The following GRAMD2A variants were observed in gnomAD, a reference collection of about 807,000 sequenced individuals.
GRAMD2A encodes the protein GRAM domain containing 2A, also known as GRAM domain-containing protein 2A.
In GRAMD2A, 37 loss-of-function variants were observed where a neutral mutation model predicts 51.1. That is an observed-to-expected ratio of 0.72 (90% CI 0.56 to 0.95). GRAMD2A has a LOEUF of 0.95. Ranked by LOEUF, GRAMD2A falls within the 40% of genes least tolerant of loss-of-function variation. GRAMD2A has a pLI of 0.00. For missense variants in GRAMD2A, 414 were observed against 426.9 expected, an observed-to-expected ratio of 0.97 and a Z score of 0.27; for synonymous variants, 136 against 157.1, an observed-to-expected ratio of 0.87 and a Z score of 1.01.
chr15:72,195,377 A>G (rs2081797271), intron 1 of GRAMD2A, among the ~76,000 whole-genome samples: 1 of 152,200 alleles, frequency 6.6e-6, no homozygotes, highest in African/African-American at 2.4e-5. Flanking sequence ...TCTTCCCTCC[A>G]GCTGATAAAC....
At chr15:72,168,626 T>G in intron 3 of GRAMD2A, 60 bp from the exon 4 acceptor site, 11 of 1,373,502 alleles carry the variant, frequency 8.0e-6, no homozygotes, top group Non-Finnish European at 1.1e-5. Flanking sequence ...AAAGGGGCCC[T>G]GCTCCAGCCA....
chr15:72,196,903 C>A (rs1021312619), intron 1 of GRAMD2A, among the ~76,000 whole-genome samples: 4 of 152,182 alleles, frequency 2.6e-5, no homozygotes, highest in Non-Finnish European at 5.9e-5. Flanking sequence ...ACACATTCAT[C>A]CTACCTGCCC....
At chr15:72,185,189 G>GTTTT (rs761749553) in intron 1 of GRAMD2A, among the ~76,000 whole-genome samples, 2 of 139,966 alleles carry the variant, frequency 1.4e-5, no homozygotes, top group Admixed American at 7.0e-5. Context: ...TTTTGTTCCA[G>GTTTT]TTTTTTTTTT....
chr15:72,177,916 C>T (rs1316429875), intron 1 of GRAMD2A, among the ~76,000 whole-genome samples: 2 of 152,170 alleles, frequency 1.3e-5, no homozygotes, highest in Non-Finnish European at 2.9e-5. Context: ...TTAGCAGAGA[C>T]GGGGTTTCAC....
chr15:72,182,385 A>AAG (rs2081703500), intron 1 of GRAMD2A, among the ~76,000 whole-genome samples: 1 of 149,956 alleles, frequency 6.7e-6, no homozygotes, highest in Admixed American at 6.7e-5. Context: ...AAAAAAAAAA[A>AAG]CCCAAAATTT....
chr15:72,171,757 A>C (rs181615209), intron 1 of GRAMD2A, among the ~76,000 whole-genome samples: 9 of 152,206 alleles, frequency 5.9e-5, no homozygotes, highest in Admixed American at 2.0e-4. Context: ...TGTCTTATAG[A>C]GAATTCACAG....
rs576327896 is a variant in GRAMD2A, at chr15:72,185,577, T to C, written c.41+12154A>G. ...GGGTGCACGTGCATGTGCACACATG[T>C]GAAAGAGAGCAAGAAAATTTTGAAA... On this transcript the variant is annotated intron_variant, in intron 1 of 11. Coordinates refer to ENST00000309731, the MANE Select transcript of GRAMD2A (RefSeq NM_001012642.3). Among the ~76,000 whole-genome samples, 34 of 152,358 alleles carry C rather than the reference T, an allele frequency of 2.2e-4. No homozygotes were observed. The East Asian group carries it at 6.4e-3, about 28-fold the overall frequency.
rs2081598698 is a variant in GRAMD2A at position 72,170,394 on chromosome 15, GC to G, written c.42-456del. On this transcript the variant is annotated intron_variant, in intron 1 of 11. Coordinates refer to ENST00000309731, the MANE Select transcript of GRAMD2A (RefSeq NM_001012642.3). The surrounding 1 kb of genome is among the most constrained non-coding windows in gnomAD (Gnocchi z 4.5). ...CGGGAAAGTAGGCTGAGCACAGGAG[GC>G]CTTATCAAAGCTCAGGAGCTGATGC... is the stretch of plus-strand genomic sequence containing the variant. The G allele has an allele frequency of 2.2e-6, 1 of 456,326 alleles. No individual in the cohort carries two copies. Among genetic ancestry groups the G allele is most frequent in the African/African-American group, 2.0e-5 (1 of 50,080 alleles). 28.3% of individuals were successfully genotyped at this position (456,326 alleles called of 1,614,324 possible). A position where few individuals can be genotyped will look rare whatever the true frequency, so the allele number is the denominator to read the frequency against.
At position 72,162,314 on chromosome 15, in the gene GRAMD2A, C is replaced by G; in HGVS notation, c.1020G>C (p.Gln340His). 6.2e-7 allele frequency: 1 copy of G among 1,614,138 alleles called. No homozygotes were observed. The change falls in exon 11 of 12, where the codon CAG becomes CAC. Residue 340 changes from glutamine (Q) to histidine (H), a missense_variant. Gln to His is a conservative substitution (Grantham distance 24, BLOSUM62 0). Transcript: ENST00000309731. ...LAFRISRLEQQLCSLSWDDPV... is the reference protein window; with the variant it reads ...LAFRISRLEQHLCSLSWDDPV... ...GGTCATCCCAACTCAAGGAGCATAA[C>G]TGCTGCTCTAGCCGAGAAATACGGA...
rs779606230 is a variant in GRAMD2A at position 72,165,422 on chromosome 15, A to G, written c.544-12T>C. 3 of 1,613,778 alleles carry G rather than the reference A, an allele frequency of 1.9e-6. No individual in the cohort carries two copies. Among genetic ancestry groups the G allele is most frequent in the Non-Finnish European group, 2.5e-6 (3 of 1,179,750 alleles). On this transcript the variant is annotated splice_polypyrimidine_tract_variant and intron_variant, in intron 7 of 11. Coordinates refer to ENST00000309731, the MANE Select transcript of GRAMD2A (RefSeq NM_001012642.3). ...TTCTTGCTGGAAGGCTGAGGAGGAA[A>G]GGGAACAGCAGTCACTTGTCCATCT...
chr15:72,167,534 A>G (rs1408962560), intron 5 of GRAMD2A, among the ~76,000 whole-genome samples: 1 of 152,248 alleles, frequency 6.6e-6, no homozygotes, highest in African/African-American at 2.4e-5. Flanking sequence ...TGTGGGGTCC[A>G]GATTGGGCCC....
At chr15:72,163,141 G>A (rs1482701771) in intron 10 of GRAMD2A, 125 bp downstream of exon 10, 1 of 651,708 alleles carries the variant, frequency 1.5e-6, no homozygotes, top group East Asian at 2.7e-5. Flanking sequence ...CCACCCAAGA[G>A]CTTGAATTTG....
chr15:72,178,951 TC>T (rs1433932015), intron 1 of GRAMD2A, among the ~76,000 whole-genome samples: 1 of 152,210 alleles, frequency 6.6e-6, no homozygotes, highest in African/African-American at 2.4e-5. Flanking sequence ...AACTGCTTTG[TC>T]CTTTCCACTG....
rs2081458700 is a variant in GRAMD2A, at chr15:72,160,330, TTCC to T, written c.*1676_*1678del. 9.1e-5 allele frequency: 6 copies of T among 65,628 alleles called. No homozygotes were observed. Among genetic ancestry groups the T allele is most frequent in the Non-Finnish European group, 1.2e-4 (4 of 32,030 alleles). The allele number at this position is 65,628 out of a possible 1,614,324, so 4.1% of individuals were successfully genotyped here. A position where few individuals can be genotyped will look rare whatever the true frequency, so the allele number is the denominator to read the frequency against. Reference sequence around the variant, plus strand: ...CGGATGAAAGGGTGAAAGGGGCTGGTTCCAAAAAAAAAAAAAAAAAAAGGATGA... The same window carrying T: ...CGGATGAAAGGGTGAAAGGGGCTGGTAAAAAAAAAAAAAAAAAAAGGATGA... On this transcript the variant is annotated 3_prime_UTR_variant, in exon 12 of 12. Coordinates refer to ENST00000309731, the MANE Select transcript of GRAMD2A (RefSeq NM_001012642.3).
In GRAMD2A at chr15:72,184,581, C is replaced by T. The variant is rs28393460; in HGVS notation, c.41+13150G>A. ...GCCCGCGTGGGGACGGGCTGCGCGC[C>T]CTGCCCAGGCTCCTGCCAACTCGGC... On this transcript the variant is annotated intron_variant, in intron 1 of 11. Coordinates refer to ENST00000309731, the MANE Select transcript of GRAMD2A (RefSeq NM_001012642.3). Among the ~76,000 whole-genome samples, 890 of 152,344 alleles carry T rather than the reference C, an allele frequency of 5.8e-3. 11 individuals carry two copies. Among genetic ancestry groups the T allele is most frequent in the African/African-American group, 0.02 (844 of 41,586 alleles).
At position 72,164,533 on chromosome 15, in the gene GRAMD2A, G is replaced by A. The variant is rs141774162; in HGVS notation, c.601-776C>T. ...TGATCCTCCCATCTCAGCCTCCTGC[G>A]TAGCTGGGACTACAGGTACGTGCCA... On this transcript the variant is annotated intron_variant, in intron 8 of 11. Transcript: ENST00000309731. Among the ~76,000 whole-genome samples, 805 of 151,894 alleles carry A rather than the reference G, an allele frequency of 5.3e-3. 9 individuals are homozygous for A. Among genetic ancestry groups the A allele is most frequent in the African/African-American group, 0.018 (763 of 41,420 alleles).
intron 5 of GRAMD2A, 41 bp downstream of exon 5, chr15:72,167,695 C>G (rs1445965796): frequency 2.1e-6 from 3 of 1,457,112 alleles, no homozygotes; most frequent in Non-Finnish European, 2.9e-6. Flanking sequence ...GAGGCTGGCT[C>G]CCCTCACAGG....
At chr15:72,187,493 A>G (rs1355452213) in intron 1 of GRAMD2A, among the ~76,000 whole-genome samples, 1 of 151,836 alleles carries the variant, frequency 6.6e-6, no homozygotes, top group Non-Finnish European at 1.5e-5. Flanking sequence ...TAAAAAAAAA[A>G]CAACAGTAAA....
chr15:72,180,925 C>T (rs563219923), intron 1 of GRAMD2A, among the ~76,000 whole-genome samples: 4 of 152,322 alleles, frequency 2.6e-5, no homozygotes, highest in African/African-American at 7.2e-5. Flanking sequence ...CAGATGAACC[C>T]TCATCCCAGG....
Sources: allele counts gnomAD v4.1 joint callset (sites outside exome capture counted in the v4.1 genomes callset), GRCh38; gene constraint gnomAD v4.1.1; non-coding constraint Gnocchi (gnomAD v3.1); transcripts MANE v1.5; gene names NCBI Gene and HGNC (gene_info 2026-07-23, HGNC 2026-07-21).